Variants in MOV10L1 observed in about 807,000 individuals in gnomAD.
MOV10L1 encodes the protein Mov10 like RNA helicase 1.
In MOV10L1, 110 loss-of-function variants were observed where a neutral mutation model predicts 143.8. That is an observed-to-expected ratio of 0.76 (90% CI 0.66 to 0.90). The LOEUF is 0.90. MOV10L1 is among the 40% of genes least tolerant of loss of function. The pLI is 0.00. For synonymous variants in MOV10L1, 593 were observed against 581.1 expected (o/e 1.02, Z -0.29); for missense variants, 1,406 against 1,526.8 (o/e 0.92, Z 1.32).
intron 8 of MOV10L1, 92 bp from the exon 9 acceptor site, chr22:50,117,063 ACT>A: frequency 8.7e-7 from 1 of 1,149,224 alleles, no homozygotes; most frequent in Non-Finnish European, 1.2e-6. Context: ...ATGAGTCTTA[ACT>A]CTGTCACTTT....
chr22:50,128,452 G>T lies in MOV10L1; in HGVS notation c.1855G>T (p.Glu619Ter). 6.5e-7 allele frequency: 1 copy of T among 1,546,410 alleles called. No individual in the cohort carries two copies. The highest frequency in any genetic ancestry group is 8.9e-7 in the Non-Finnish European group (1 of 1,126,262). ...EEDVTLKINP[E>*]FEQAYNFEPM... Reference sequence around the variant, plus strand: ...AGATGTAACTCTTAAAATTAATCCAGAATTTGAACAAGCCTATAACTTTGA... The same window carrying T: ...AGATGTAACTCTTAAAATTAATCCATAATTTGAACAAGCCTATAACTTTGA... The change falls in exon 13 of 27, where the codon GAA becomes TAA. Residue 619 changes from glutamate to a stop codon, truncating the protein, a stop_gained. Coordinates refer to ENST00000262794, the MANE Select transcript of MOV10L1 (RefSeq NM_018995.3). LOFTEE classifies it high-confidence loss of function.
At chr22:50,147,668 AG>A (rs1365613453) in intron 19 of MOV10L1, among the ~76,000 whole-genome samples, 1 of 152,070 alleles carries the variant, frequency 6.6e-6, no homozygotes, top group Admixed American at 6.5e-5. Flanking sequence ...TGGAGTGGGG[AG>A]GGGCACTTCA....
At chr22:50,114,334 G>C in intron 6 of MOV10L1, 47 bp from the exon 7 acceptor site, 3 of 1,592,588 alleles carry the variant, frequency 1.9e-6, no homozygotes, top group Non-Finnish European at 2.6e-6. Context: ...TGAATATTTT[G>C]GTTTTAGAAA....
At chr22:50,147,210 G>A in intron 19 of MOV10L1, 1 of 1,129,120 alleles carries the variant, frequency 8.9e-7, no homozygotes, top group Admixed American at 2.3e-5. Context: ...CTGTGCAGAA[G>A]CAGGGAGGGT....
chr22:50,144,787 T>C (rs1324527333), intron 18 of MOV10L1, among the ~76,000 whole-genome samples: 4 of 152,090 alleles, frequency 2.6e-5, no homozygotes, highest in Non-Finnish European at 4.4e-5. Flanking sequence ...TTCACCGTGT[T>C]AGCCAGGATG....
intron 10 of MOV10L1, among the ~76,000 whole-genome samples, chr22:50,122,358 G>A (rs1408660829): frequency 6.6e-6 from 1 of 152,118 alleles, no homozygotes; most frequent in African/African-American, 2.4e-5. Context: ...AGATTCTTCA[G>A]TGTTGTTTAG....
chr22:50,107,018 A>G (rs1309967279), intron 3 of MOV10L1, among the ~76,000 whole-genome samples: 3 of 149,912 alleles, frequency 2.0e-5, no homozygotes, highest in Non-Finnish European at 4.4e-5. Context: ...GGTCTTCTTA[A>G]AATACTCCCT....
At chr22:50,091,795 A>G (rs1002901790) in intron 1 of MOV10L1, among the ~76,000 whole-genome samples, 1 of 152,108 alleles carries the variant, frequency 6.6e-6, no homozygotes, top group Non-Finnish European at 1.5e-5. Context: ...CTTCTGAGGA[A>G]ACTGGGCTGT....
chr22:50,108,280 CT>C (rs775659972), intron 4 of MOV10L1, 32 bp downstream of exon 4: 2 of 1,574,064 alleles, frequency 1.3e-6, no homozygotes, highest in African/African-American at 2.7e-5. Flanking sequence ...CCTCTCTGTG[CT>C]TCTGGCAGAC....
At chr22:50,126,625 GT>G (rs1041669524) in intron 12 of MOV10L1, among the ~76,000 whole-genome samples, 3 of 152,122 alleles carry the variant, frequency 2.0e-5, no homozygotes, top group African/African-American at 7.2e-5. Flanking sequence ...CGTGAAGGTG[GT>G]TTTTTTGGCT....
chr22:50,142,235 C>T (rs977736835), intron 16 of MOV10L1, 46 bp downstream of exon 16: 37 of 1,509,110 alleles, frequency 2.5e-5, no homozygotes, highest in Non-Finnish European at 3.1e-5. Flanking sequence ...CTGAGACTGT[C>T]GCCTGGAAAA....
At chr22:50,143,955 A>C (rs557237824) in intron 17 of MOV10L1, 142 bp from the exon 18 acceptor site, 150 of 1,073,196 alleles carry the variant, frequency 1.4e-4, no homozygotes, top group Admixed American at 4.3e-4. Context: ...GTCGTGGCCC[A>C]GGTCTCAGTG....
intron 10 of MOV10L1, among the ~76,000 whole-genome samples, chr22:50,124,412 C>G (rs1415353781): frequency 6.6e-6 from 1 of 152,166 alleles, no homozygotes; most frequent in African/African-American, 2.4e-5. Context: ...TTAAGATTCT[C>G]TCTTTTATCA....
Position 50,125,427 on chromosome 22 carries a change from G to A in MOV10L1, c.1605G>A (p.Ser535=), listed in dbSNP as rs748024656. The A allele has an allele frequency of 3.1e-5, 50 of 1,614,006 alleles. No individual in the cohort carries two copies. In the Admixed American group the frequency reaches 4.0e-4, roughly 13 times the overall value. The change falls in exon 11 of 27, where the codon TCG becomes TCA. Residue 535 remains serine, a synonymous_variant. Coordinates refer to ENST00000262794, the MANE Select transcript of MOV10L1 (RefSeq NM_018995.3). ...TGTCAAATTACAAGGAGAAGTTTTCGACTTTGCTGTGGCTTGAGGAGATTT... is the reference window on the plus strand; with the variant it reads ...TGTCAAATTACAAGGAGAAGTTTTCAACTTTGCTGTGGCTTGAGGAGATTT... ...LNMSNYKEKF[S]TLLWLEEIYA... is the part of the protein sequence containing the mutation.
intron 10 of MOV10L1, among the ~76,000 whole-genome samples, chr22:50,121,752 G>A (rs1433133340): frequency 3.3e-5 from 5 of 152,218 alleles, no homozygotes; most frequent in South Asian, 2.1e-4. Context: ...GGGGACCCAG[G>A]TCTGCTGGGC....
chr22:50,098,355 G>A (rs1453931620), intron 2 of MOV10L1, among the ~76,000 whole-genome samples: 1 of 149,388 alleles, frequency 6.7e-6, no homozygotes, highest in African/African-American at 2.5e-5. Context: ...TCCAATTCAT[G>A]AACGCGGTTG....
At position 50,149,634 on chromosome 22, in the gene MOV10L1, G is replaced by A. The variant is rs1190478272; in HGVS notation, c.2647G>A (p.Val883Met). 25 of 1,614,192 alleles carry A rather than the reference G, an allele frequency of 1.5e-5. No homozygotes were observed. Among genetic ancestry groups the A allele is most frequent in the Non-Finnish European group, 1.9e-5 (23 of 1,180,010 alleles). The change falls in exon 20 of 27, where the codon GTG becomes ATG. Residue 883 changes from valine to methionine, a missense_variant. This residue lies in a region of MOV10L1 where 1,233 missense variants were observed against 1,351.4 expected (regional missense o/e 0.91). Coordinates refer to ENST00000262794, the MANE Select transcript of MOV10L1 (RefSeq NM_018995.3). ...CTCTAGAGTTGGGCACTTCACTCAC[G>A]TGTTTGTGGACGAGGCTGGGCAGGC... ...IGVRVGHFTH[V>M]FVDEAGQASE...
chr22:50,111,984 G>A (rs9617077), intron 5 of MOV10L1, among the ~76,000 whole-genome samples: 20,398 of 152,230 alleles, frequency 0.13, 1,628 homozygotes, highest in East Asian at 0.24. Context: ...AGACAGCCCT[G>A]TGTGAACTGA....
chr22:50,155,827 G>A (rs1356848588), intron 22 of MOV10L1, among the ~76,000 whole-genome samples: 1 of 152,184 alleles, frequency 6.6e-6, no homozygotes, highest in Non-Finnish European at 1.5e-5. Context: ...AAGGCAGGCA[G>A]ATTGCTTGAG....
Sources: gnomAD v4.1 joint callset for allele counts (sites outside exome capture counted in the v4.1 genomes callset) on GRCh38, gnomAD v4.1.1 for gene constraint, gnomAD v4.1.1 regional missense constraint, MANE v1.5 for transcripts, NCBI Gene and HGNC (gene_info 2026-07-23, HGNC 2026-07-21) for gene names.